Variants in NHSL2 observed in about 807,000 individuals in gnomAD.
The protein encoded by NHSL2 is NHS like 2, also known as NHS-like protein 2.
In NHSL2, 27 loss-of-function variants were observed where a neutral mutation model predicts 53.4. The observed-to-expected ratio is 0.51, with a 90% CI of 0.37 to 0.70. NHSL2 has a LOEUF of 0.70. NHSL2 is among the 30% of genes least tolerant of loss of function. The probability of loss-of-function intolerance (pLI) is 0.00; values close to 1 mark genes in which losing one functional copy is unlikely to be tolerated. For synonymous variants in NHSL2, 408 were observed against 404.1 expected (o/e 1.01, Z -0.12); for missense variants, 892 against 980.1 (o/e 0.91, Z 1.20).
chrX:72,064,290 T>C (rs371710386), intron 1 of NHSL2, among the ~76,000 whole-genome samples: 2 of 111,696 alleles, frequency 1.8e-5, no homozygotes, highest in Admixed American at 9.4e-5. Flanking sequence ...CTTTTCCTTA[T>C]GGAACTTGCA....
At chrX:72,085,248 C>G (rs1235609381) in intron 1 of NHSL2, among the ~76,000 whole-genome samples, 3 of 112,011 alleles carry the variant, frequency 2.7e-5, no homozygotes, top group Non-Finnish European at 5.6e-5. Flanking sequence ...CCACCCAGCC[C>G]CTCTCAAAGA....
At chrX:71,925,023 G>A (rs1262293935) in intron 1 of NHSL2, among the ~76,000 whole-genome samples, 2 of 112,580 alleles carry the variant, frequency 1.8e-5, no homozygotes, top group African/African-American at 3.2e-5. Context: ...TAGGCACACT[G>A]TGAATGTTTG....
At chrX:72,014,593 A>G (rs1237211245) in intron 1 of NHSL2, among the ~76,000 whole-genome samples, 3 of 112,058 alleles carry the variant, frequency 2.7e-5, no homozygotes, top group African/African-American at 9.7e-5. Context: ...TTCAAGTTTT[A>G]GATATTTTCT....
chrX:72,109,939 A>G (rs2042077557), intron 1 of NHSL2, among the ~76,000 whole-genome samples: 2 of 112,030 alleles, frequency 1.8e-5, no homozygotes, highest in Admixed American at 1.9e-4. Flanking sequence ...TAAAAACTCC[A>G]CAGAGTTAGA....
chrX:72,129,825 C>T (rs1166847805), intron 1 of NHSL2: 6 of 1,183,553 alleles, frequency 5.1e-6, no homozygotes, highest in Non-Finnish European at 6.8e-6. Context: ...CATCTGGCCC[C>T]AGCACTCAAA....
rs1369868587 is a variant in NHSL2 at position 71,910,866 on chromosome X, G to C, written c.-222G>C. The stretch of plus-strand genomic sequence containing the variant: ...AGTCAGAGGGACTGGTGGCTCCGGC[G>C]AGTGTGCAGCCCCGGGGGAGCCGGC... On this transcript the variant is annotated 5_prime_UTR_variant, in exon 1 of 8. Coordinates refer to ENST00000633930, the MANE Select transcript of NHSL2 (RefSeq NM_001013627.3). 5 of 226,241 alleles carry C rather than the reference G, an allele frequency of 2.2e-5. No homozygotes were observed. The highest frequency in any genetic ancestry group is 7.2e-5 in the East Asian group (1 of 13,798). 18.6% of individuals were successfully genotyped at this position (226,241 alleles called of 1,213,427 possible).
intron 1 of NHSL2, among the ~76,000 whole-genome samples, chrX:71,995,214 C>T (rs2042044642): frequency 8.9e-6 from 1 of 112,248 alleles, no homozygotes; most frequent in African/African-American, 3.2e-5. Context: ...GTTCTCCTGT[C>T]ATCTCTCACC....
chrX:72,131,398 C>T (rs752041010), intron 1 of NHSL2: 1 of 1,211,149 alleles, frequency 8.3e-7, no homozygotes, highest in Middle Eastern at 2.3e-4. Context: ...GGAGACATTG[C>T]CCCGCAAGGA....
intron 1 of NHSL2, among the ~76,000 whole-genome samples, chrX:72,012,405 G>A (rs1437530395): frequency 8.9e-6 from 1 of 112,359 alleles, no homozygotes; most frequent in African/African-American, 3.2e-5. Flanking sequence ...AGAAGTCTGA[G>A]CTTAAGGTGT....
chrX:72,114,532 G>A (rs2042120311), intron 1 of NHSL2, among the ~76,000 whole-genome samples: 1 of 111,872 alleles, frequency 8.9e-6, no homozygotes, highest in African/African-American at 3.3e-5. Context: ...ACTGTGGAAA[G>A]TGGGTGAGGA....
chrX:72,046,257 T>C (rs1349940361), intron 1 of NHSL2, among the ~76,000 whole-genome samples: 1 of 111,987 alleles, frequency 8.9e-6, no homozygotes. Flanking sequence ...AGGCAACCTG[T>C]CTTCCCAGAA....
intron 1 of NHSL2, chrX:72,044,520 G>A (rs920115430): frequency 5.2e-5 from 30 of 577,841 alleles, no homozygotes; most frequent in Non-Finnish European, 5.8e-5. Context: ...AGAGTGGCCC[G>A]CTCTCTCCGG....
Position 71,970,942 on chromosome X carries a change from T to C in NHSL2, c.280+59575T>C, listed in dbSNP as rs2041922526. ...GGACTACAGGTGTGCGCCACCATGC[T>C]GGGTTAATTTTTTAATTTTTTGTAG... On this transcript the variant is annotated intron_variant, in intron 1 of 7. Coordinates refer to ENST00000633930, the MANE Select transcript of NHSL2 (RefSeq NM_001013627.3). Among the ~76,000 whole-genome samples the C allele has an allele frequency of 2.7e-5, 3 of 111,028 alleles. No individual in the cohort carries two copies. The South Asian group carries it at 1.1e-3, about 42-fold the overall frequency.
At chrX:72,057,227 C>T (rs2042374674) in intron 1 of NHSL2, among the ~76,000 whole-genome samples, 1 of 112,249 alleles carries the variant, frequency 8.9e-6, no homozygotes. Context: ...GTTGTGCACA[C>T]CATTATCTAT....
intron 1 of NHSL2, among the ~76,000 whole-genome samples, chrX:71,961,330 A>G (rs1307251501): frequency 9.1e-6 from 1 of 110,314 alleles, no homozygotes; most frequent in Non-Finnish European, 1.9e-5. Context: ...TAGTTTTACT[A>G]TTTCTTCCTT....
At chrX:71,999,603 T>C (rs1304104919) in intron 1 of NHSL2, among the ~76,000 whole-genome samples, 1 of 112,256 alleles carries the variant, frequency 8.9e-6, no homozygotes, top group African/African-American at 3.2e-5. Flanking sequence ...AAGACTTCAG[T>C]AGAAAAGCTG....
At chrX:71,979,155 G>A (rs1409848937) in intron 1 of NHSL2, among the ~76,000 whole-genome samples, 3 of 110,328 alleles carry the variant, frequency 2.7e-5, no homozygotes, top group South Asian at 4.0e-4. Context: ...TAATCCAGTC[G>A]ATCATTGATG....
At chrX:72,080,778 A>T (rs1299996246) in intron 1 of NHSL2, among the ~76,000 whole-genome samples, 1 of 111,614 alleles carries the variant, frequency 9.0e-6, no homozygotes, top group Non-Finnish European at 1.9e-5. Context: ...CAAGGCATGT[A>T]GGCAAGGAGA....
At chrX:72,091,475 G>C (rs2041899279) in intron 1 of NHSL2, among the ~76,000 whole-genome samples, 1 of 111,676 alleles carries the variant, frequency 9.0e-6, no homozygotes, top group African/African-American at 3.3e-5. Flanking sequence ...AAATTTTGAC[G>C]GTTAATGCCA....
Sources: gnomAD v4.1 joint callset for allele counts (sites outside exome capture counted in the v4.1 genomes callset) on GRCh38, gnomAD v4.1.1 for gene constraint, MANE v1.5 for transcripts, NCBI Gene and HGNC (gene_info 2026-07-23, HGNC 2026-07-21) for gene names.